ZDHHC21: variants seen among roughly 807,000 people sequenced by gnomAD.
The protein encoded by ZDHHC21 is palmitoyltransferase ZDHHC21.
In ZDHHC21, 15 loss-of-function variants were observed where a neutral mutation model predicts 34.6. That is an observed-to-expected ratio of 0.43 (90% confidence interval 0.29 to 0.67). The LOEUF is 0.67. Ranked by LOEUF, ZDHHC21 falls within the 30% of genes least tolerant of loss-of-function variation. The probability of loss-of-function intolerance (pLI) is 0.14; values close to 1 mark genes in which losing one functional copy is unlikely to be tolerated. For synonymous variants in ZDHHC21, 142 were observed against 101.8 expected (o/e 1.40, Z -2.38); for missense variants, 344 against 327.7 (o/e 1.05, Z -0.38).
At chr9:14,660,197 C>T (rs1162894385) in intron 6 of ZDHHC21, among the ~76,000 whole-genome samples, 1 of 151,920 alleles carries the variant, frequency 6.6e-6, no homozygotes, top group Admixed American at 6.6e-5. Flanking sequence ...GACAACCCGT[C>T]TCTGCTAAAA....
At chr9:14,651,104 TAGAG>T (rs1831162354) in intron 7 of ZDHHC21, among the ~76,000 whole-genome samples, 1 of 151,898 alleles carries the variant, frequency 6.6e-6, no homozygotes, top group South Asian at 2.1e-4. Flanking sequence ...TTTTCTCATG[TAGAG>T]AAATAGTAAA....
At chr9:14,658,089 C>T (rs952493311) in intron 7 of ZDHHC21, among the ~76,000 whole-genome samples, 6 of 152,090 alleles carry the variant, frequency 3.9e-5, no homozygotes, top group Non-Finnish European at 8.8e-5. Flanking sequence ...TTCTCAAGAA[C>T]GTAACTATTT....
At chr9:14,664,431 GA>G (rs1834010387) in intron 5 of ZDHHC21, among the ~76,000 whole-genome samples, 8 of 151,044 alleles carry the variant, frequency 5.3e-5, no homozygotes, top group Admixed American at 5.3e-4. Context: ...CAGGCTGGGG[GA>G]GGGGCGCCCG....
intron 2 of ZDHHC21, among the ~76,000 whole-genome samples, chr9:14,689,737 A>G (rs905616247): frequency 6.6e-6 from 1 of 152,134 alleles, no homozygotes; most frequent in African/African-American, 2.4e-5. Context: ...CTTTAACTTT[A>G]GAGAAAGTAG....
At chr9:14,650,556 G>T (rs915798595) in intron 7 of ZDHHC21, among the ~76,000 whole-genome samples, 1 of 151,880 alleles carries the variant, frequency 6.6e-6, no homozygotes. Context: ...TTAAATAGCA[G>T]AAGTACTCAG....
In ZDHHC21 at chr9:14,615,202, T is replaced by G. The variant is rs191266151; in HGVS notation, c.*3764A>C. 1 of 151,738 alleles carries G rather than the reference T, an allele frequency of 6.6e-6. No homozygotes were observed. Among genetic ancestry groups the G allele is most frequent in the Non-Finnish European group, 1.5e-5 (1 of 67,696 alleles). 9.4% of individuals were successfully genotyped at this position (151,738 alleles called of 1,614,324 possible). A position where few individuals can be genotyped will look rare whatever the true frequency, so the allele number is the denominator to read the frequency against. On this transcript the variant is annotated 3_prime_UTR_variant, in exon 10 of 10. Transcript: ENST00000380916. ...TGAAGTGTTGTCCTAACTTAAGTCT[T>G]CATGATTAGCATTCAGAATTAATAC...
rs573469205 is a variant in ZDHHC21, at chr9:14,682,775, A to G, written c.-175-2613T>C. Among the ~76,000 whole-genome samples, 38 of 152,322 alleles carry G rather than the reference A, an allele frequency of 2.5e-4. 1 individual carries two copies. In the South Asian group the frequency reaches 7.9e-3, roughly 32 times the overall value. ...CATCGCATTTACTCCAAAACTGACC[A>G]CATAGTTAGAAGTAAAGCACTTCTC... is the stretch of plus-strand genomic sequence containing the variant. On this transcript the variant is annotated intron_variant, in intron 2 of 9. Coordinates refer to ENST00000380916, the MANE Select transcript of ZDHHC21 (RefSeq NM_178566.6).
intron 8 of ZDHHC21, among the ~76,000 whole-genome samples, chr9:14,624,465 C>T (rs1825868868): frequency 2.0e-5 from 3 of 152,048 alleles, no homozygotes; most frequent in South Asian, 2.1e-4. Context: ...TATATATACA[C>T]AATGGAATAC....
the ZDHHC21 span, chr9:14,594,329 T>C: frequency 6.6e-6 from 1 of 152,186 alleles, no homozygotes; most frequent in Non-Finnish European, 1.5e-5. Context: ...CAAAACTTAA[T>C]ATAAAGCTAC....
intron 5 of ZDHHC21, among the ~76,000 whole-genome samples, chr9:14,664,517 G>A (rs1305925739): frequency 2.6e-5 from 4 of 151,748 alleles, no homozygotes; most frequent in Admixed American, 6.6e-5. Context: ...ACAGCTCAAG[G>A]AGGCCTGCCT....
intron 5 of ZDHHC21, among the ~76,000 whole-genome samples, chr9:14,664,953 A>G (rs1834134205): frequency 6.7e-6 from 1 of 150,194 alleles, no homozygotes; most frequent in African/African-American, 2.5e-5. Context: ...CTCCTCCTCC[A>G]AAGGAACGCA....
intron 5 of ZDHHC21, among the ~76,000 whole-genome samples, chr9:14,664,541 C>A (rs1243523628): frequency 6.6e-6 from 1 of 151,566 alleles, no homozygotes; most frequent in African/African-American, 2.4e-5. Flanking sequence ...TCTGTAGGCT[C>A]CACCTCTGGG....
chr9:14,653,992 C>T (rs773084443), intron 7 of ZDHHC21, among the ~76,000 whole-genome samples: 22 of 151,916 alleles, frequency 1.4e-4, no homozygotes, highest in Non-Finnish European at 2.6e-4. Context: ...AGTAGACAGG[C>T]GTTAAGGTGA....
intron 5 of ZDHHC21, among the ~76,000 whole-genome samples, chr9:14,672,547 T>C (rs1835656177): frequency 6.6e-6 from 1 of 151,956 alleles, no homozygotes; most frequent in Non-Finnish European, 1.5e-5. Context: ...AAGGACAATC[T>C]ATGCTCCTGA....
chr9:14,678,767 C>A (rs1256567882), intron 3 of ZDHHC21, among the ~76,000 whole-genome samples: 1 of 152,018 alleles, frequency 6.6e-6, no homozygotes, highest in Non-Finnish European at 1.5e-5. Flanking sequence ...ATCTAAATGT[C>A]CATGTAGAGA....
chr9:14,660,342 C>T (rs926071374), intron 6 of ZDHHC21, among the ~76,000 whole-genome samples: 1 of 123,444 alleles, frequency 8.1e-6, no homozygotes, highest in African/African-American at 3.2e-5. Context: ...CACTGCACTC[C>T]AGCCTGGGCA....
the ZDHHC21 span, among the ~76,000 whole-genome samples, chr9:14,600,171 G>T: frequency 6.6e-6 from 1 of 152,214 alleles, no homozygotes; most frequent in Non-Finnish European, 1.5e-5. Context: ...TCAGGCAAGA[G>T]AAAGAAATAA....
At position 14,693,322 on chromosome 9, in the gene ZDHHC21, C is replaced by T. The variant is rs1839470880; in HGVS notation, c.-318G>A. On this transcript the variant is annotated 5_prime_UTR_variant, in exon 1 of 10. Coordinates refer to ENST00000380916, the MANE Select transcript of ZDHHC21 (RefSeq NM_178566.6). Reference sequence around the variant, plus strand: ...GCCGCGCCACCTCCGCCTCCTCCGGCGCCGCCGCCCAGGCCGGGCCGCTCT... The same window carrying T: ...GCCGCGCCACCTCCGCCTCCTCCGGTGCCGCCGCCCAGGCCGGGCCGCTCT... 2 of 415,334 alleles carry T rather than the reference C, an allele frequency of 4.8e-6. No homozygotes were observed. Among genetic ancestry groups the T allele is most frequent in the Non-Finnish European group, 9.5e-6 (2 of 210,794 alleles). 25.7% of individuals were successfully genotyped at this position (415,334 alleles called of 1,614,324 possible).
At chr9:14,596,564 C>A in the ZDHHC21 span, among the ~76,000 whole-genome samples, 1 of 152,188 alleles carries the variant, frequency 6.6e-6, no homozygotes, top group Non-Finnish European at 1.5e-5. Context: ...GACCTGGTAC[C>A]ATCTCCTGGT....
Sources: allele counts gnomAD v4.1 joint callset (sites outside exome capture counted in the v4.1 genomes callset), GRCh38; gene constraint gnomAD v4.1.1; transcripts MANE v1.5; gene names NCBI Gene and HGNC (gene_info 2026-07-23, HGNC 2026-07-21).